SRPK1: variants seen among roughly 807,000 people sequenced by gnomAD.
SRPK1 encodes SFRS protein kinase 1.
Under a neutral mutation model 89.5 loss-of-function variants are expected in SRPK1, and 52 were observed. The observed-to-expected ratio is 0.58, with a 90% CI of 0.46 to 0.73. SRPK1 has a LOEUF of 0.73. Among genes scored for constraint, SRPK1 ranks in the 30% least tolerant of loss-of-function variants. SRPK1 has a pLI of 0.00. For synonymous variants in SRPK1, 255 were observed against 270.2 expected (o/e 0.94, Z 0.55); for missense variants, 603 against 780.6 (o/e 0.77, Z 2.71).
intron 13 of SRPK1, among the ~76,000 whole-genome samples, chr6:35,855,997 G>A (rs9470140): frequency 1.4e-5 from 2 of 144,690 alleles, no homozygotes; most frequent in African/African-American, 5.0e-5. Flanking sequence ...AAAGTGCTGG[G>A]ATTACAGGCA....
intron 2 of SRPK1, among the ~76,000 whole-genome samples, chr6:35,918,907 G>C (rs1771169326): frequency 6.6e-6 from 1 of 152,166 alleles, no homozygotes; most frequent in Non-Finnish European, 1.5e-5. Context: ...TAATTTCTAA[G>C]TGGTAAGAGA....
At chr6:35,911,618 C>T (rs1561997997) in intron 2 of SRPK1, among the ~76,000 whole-genome samples, 3 of 151,502 alleles carry the variant, frequency 2.0e-5, no homozygotes, top group African/African-American at 7.3e-5. Context: ...TTTTTAAGAG[C>T]TAAGGTCTCA....
chr6:35,882,965 C>T (rs567700642), intron 6 of SRPK1, among the ~76,000 whole-genome samples: 10 of 152,254 alleles, frequency 6.6e-5, no homozygotes, highest in African/African-American at 1.4e-4. Context: ...CGTGCCACCA[C>T]GCCTCGCTAA....
At chr6:35,882,463 T>G (rs1770317825) in intron 6 of SRPK1, among the ~76,000 whole-genome samples, 2 of 151,114 alleles carry the variant, frequency 1.3e-5, no homozygotes, top group African/African-American at 4.9e-5. Context: ...ACTACAGGCA[T>G]GAGCTACCAT....
chr6:35,856,036 T>A (rs1207586124), intron 13 of SRPK1, among the ~76,000 whole-genome samples: 4 of 152,104 alleles, frequency 2.6e-5, no homozygotes, highest in Non-Finnish European at 5.9e-5. Context: ...CCCTATATAG[T>A]TTTAGATGAA....
chr6:35,879,673 T>C (rs1770231931), intron 6 of SRPK1, among the ~76,000 whole-genome samples: 1 of 152,084 alleles, frequency 6.6e-6, no homozygotes, highest in South Asian at 2.1e-4. Flanking sequence ...TATGAAGAAA[T>C]AGTTAAGTAC....
At chr6:35,905,931 A>G (rs554997158) in intron 2 of SRPK1, among the ~76,000 whole-genome samples, 1 of 152,370 alleles carries the variant, frequency 6.6e-6, no homozygotes, top group East Asian at 1.9e-4. Context: ...CAGAAAAAGC[A>G]TAGAAACAAT....
intron 13 of SRPK1, among the ~76,000 whole-genome samples, chr6:35,853,285 AAAC>A (rs1185572025): frequency 3.3e-5 from 5 of 152,116 alleles, no homozygotes; most frequent in Non-Finnish European, 7.4e-5. Context: ...AAACAAAATG[AAAC>A]AACAACAACA....
At chr6:35,867,810 C>G (rs1769938780) in intron 12 of SRPK1, among the ~76,000 whole-genome samples, 1 of 152,066 alleles carries the variant, frequency 6.6e-6, no homozygotes, top group South Asian at 2.1e-4. Context: ...GAGCAAGACT[C>G]CGTCTCAAAC....
intron 2 of SRPK1, among the ~76,000 whole-genome samples, chr6:35,899,916 G>A (rs369477686): frequency 3.2e-4 from 49 of 151,678 alleles, no homozygotes; most frequent in African/African-American, 1.1e-3. Flanking sequence ...TAGGAGAATC[G>A]CTTGAACCTG....
chr6:35,865,174 T>C (rs1769867010), intron 12 of SRPK1, among the ~76,000 whole-genome samples: 1 of 152,064 alleles, frequency 6.6e-6, no homozygotes, highest in African/African-American at 2.4e-5. Flanking sequence ...TAAAAATAAC[T>C]AGAAGAATAT....
chr6:35,916,465 A>C (rs557628431), intron 2 of SRPK1, among the ~76,000 whole-genome samples: 12 of 152,268 alleles, frequency 7.9e-5, no homozygotes, highest in Admixed American at 2.6e-4. Context: ...AAATTGTTTC[A>C]AATTTACTGG....
chr6:35,871,036 T>C, intron 8 of SRPK1, 77 bp from the exon 9 acceptor site: 7 of 1,230,824 alleles, frequency 5.7e-6, no homozygotes, highest in African/African-American at 1.5e-5. Flanking sequence ...TAAAACACTC[T>C]ACCAGAATGA....
intron 2 of SRPK1, among the ~76,000 whole-genome samples, chr6:35,899,869 C>T (rs781716097): frequency 3.3e-5 from 5 of 151,712 alleles, no homozygotes; most frequent in Non-Finnish European, 7.4e-5. Context: ...GGCATGGTAG[C>T]GGGCACCTGT....
intron 9 of SRPK1, 72 bp from the exon 10 acceptor site, chr6:35,870,566 AACTTT>A (rs1770011478): frequency 7.5e-7 from 1 of 1,329,232 alleles, no homozygotes; most frequent in Non-Finnish European, 1.0e-6. Flanking sequence ...GATAGTTGTT[AACTTT>A]AATTACTTCC....
At chr6:35,891,529 G>A (rs565857892) in intron 2 of SRPK1, among the ~76,000 whole-genome samples, 12 of 152,148 alleles carry the variant, frequency 7.9e-5, no homozygotes, top group African/African-American at 2.9e-4. Flanking sequence ...AAACCAGTCT[G>A]GCCAATATGG....
intron 5 of SRPK1, 122 bp downstream of exon 5, chr6:35,887,902 G>A: frequency 1.6e-6 from 1 of 639,824 alleles, no homozygotes; most frequent in Admixed American, 3.8e-5. Context: ...CCTCTTTAAG[G>A]TTACTAGAAC....
chr6:35,897,742 G>C (rs149383324), intron 2 of SRPK1, among the ~76,000 whole-genome samples: 30 of 152,186 alleles, frequency 2.0e-4, no homozygotes, highest in African/African-American at 6.5e-4. Context: ...AAACTCCTGG[G>C]CCCAAGTGAT....
At chr6:35,850,103 A>G (rs1769521694) in intron 13 of SRPK1, among the ~76,000 whole-genome samples, 1 of 152,136 alleles carries the variant, frequency 6.6e-6, no homozygotes, top group Admixed American at 6.5e-5. Flanking sequence ...AAGAAAAAAA[A>G]GGGAAAAAGG....
Sources: gnomAD v4.1 joint callset for allele counts (sites outside exome capture counted in the v4.1 genomes callset) on GRCh38, gnomAD v4.1.1 for gene constraint, MANE v1.5 for transcripts, NCBI Gene and HGNC (gene_info 2026-07-23, HGNC 2026-07-21) for gene names.